SHC4: variants seen among roughly 807,000 people sequenced by gnomAD.
SHC4 encodes the protein SHC adaptor protein 4.
Under a neutral mutation model 69.4 loss-of-function variants are expected in SHC4, and 41 were observed. That is an observed-to-expected ratio of 0.59 (90% CI 0.46 to 0.77). SHC4 has a LOEUF of 0.77. SHC4 is among the 30% of genes least tolerant of loss of function. SHC4 has a pLI of 0.00. For missense variants in SHC4, 777 were observed against 783.8 expected (o/e 0.99, Z 0.10); for synonymous variants, 318 against 299.3 (o/e 1.06, Z -0.64).
At chr15:48,935,779 T>C (rs1354841203) in intron 1 of SHC4, among the ~76,000 whole-genome samples, 1 of 152,096 alleles carries the variant, frequency 6.6e-6, no homozygotes, top group Admixed American at 6.6e-5. Context: ...CTCAGTGAGA[T>C]GGACAGAGAG....
At chr15:48,831,057 A>C (rs1308385065) in intron 11 of SHC4, among the ~76,000 whole-genome samples, 2 of 152,158 alleles carry the variant, frequency 1.3e-5, no homozygotes, top group Non-Finnish European at 2.9e-5. Context: ...TAAAAGTAAA[A>C]AATAGAAATA....
intron 10 of SHC4, among the ~76,000 whole-genome samples, chr15:48,836,492 T>A (rs1026666307): frequency 6.6e-6 from 1 of 152,194 alleles, no homozygotes; most frequent in Non-Finnish European, 1.5e-5. Flanking sequence ...CTGAAACTTG[T>A]ATGTTTAATA....
intron 2 of SHC4, among the ~76,000 whole-genome samples, chr15:48,910,374 A>G (rs577649776): frequency 1.7e-4 from 26 of 152,034 alleles, no homozygotes; most frequent in Middle Eastern, 3.4e-3. Context: ...GCCTTGAATG[A>G]TCTTTTGTAT....
chr15:48,941,736 C>G (rs1901178660), intron 1 of SHC4, among the ~76,000 whole-genome samples: 1 of 152,078 alleles, frequency 6.6e-6, no homozygotes, highest in Admixed American at 6.5e-5. Context: ...GTCTGGATAC[C>G]TTTCTGGGAA....
At chr15:48,947,215 T>C (rs12905457) in intron 1 of SHC4, 33,023 of 152,148 alleles carry the variant, frequency 0.22, 4,529 homozygotes, top group Non-Finnish European at 0.31. Flanking sequence ...TGAAAACAGA[T>C]CAGCCTCTGG....
chr15:48,914,600 A>G (rs934740), intron 2 of SHC4, among the ~76,000 whole-genome samples: 110,070 of 152,086 alleles, frequency 0.72, 43,033 homozygotes, highest in South Asian at 0.86. Flanking sequence ...GCTGTATGAC[A>G]TGCTAGAAAC....
chr15:48,876,185 G>A (rs894932016), intron 4 of SHC4, among the ~76,000 whole-genome samples: 1 of 152,182 alleles, frequency 6.6e-6, no homozygotes, highest in Admixed American at 6.5e-5. Flanking sequence ...TGTCACTTCA[G>A]GGACGAACAA....
intron 1 of SHC4, among the ~76,000 whole-genome samples, chr15:48,954,757 C>T (rs1901416561): frequency 6.6e-6 from 1 of 152,164 alleles, no homozygotes; most frequent in Admixed American, 6.5e-5. Flanking sequence ...TTTAGTCTAT[C>T]CTGAGTTTTC....
chr15:48,849,088 T>C (rs890947715), intron 9 of SHC4, among the ~76,000 whole-genome samples: 1 of 152,172 alleles, frequency 6.6e-6, no homozygotes, highest in Non-Finnish European at 1.5e-5. Flanking sequence ...ACTGAACATT[T>C]TGAAGATCCT....
At chr15:48,937,951 A>C (rs538660914) in intron 1 of SHC4, among the ~76,000 whole-genome samples, 8 of 152,318 alleles carry the variant, frequency 5.3e-5, no homozygotes, top group African/African-American at 1.9e-4. Context: ...GTTGTTATTG[A>C]GATCTAAAAG....
intron 1 of SHC4, among the ~76,000 whole-genome samples, chr15:48,954,879 C>T (rs1040074931): frequency 6.6e-6 from 1 of 152,170 alleles, no homozygotes; most frequent in East Asian, 1.9e-4. Context: ...TTATTTTATC[C>T]TGTCCCTAAC....
At chr15:48,853,836 T>C (rs1234470561) in intron 8 of SHC4, among the ~76,000 whole-genome samples, 1 of 151,902 alleles carries the variant, frequency 6.6e-6, no homozygotes, top group Non-Finnish European at 1.5e-5. Flanking sequence ...ACAAGATAGA[T>C]TAAATATATA....
chr15:48,955,170 A>G (rs1404133330), intron 1 of SHC4, among the ~76,000 whole-genome samples: 2 of 152,162 alleles, frequency 1.3e-5, no homozygotes, highest in Non-Finnish European at 2.9e-5. Flanking sequence ...ATGTTTACCC[A>G]GGAAGAGGAC....
At chr15:48,908,391 G>A (rs1371991618) in intron 2 of SHC4, among the ~76,000 whole-genome samples, 4 of 151,982 alleles carry the variant, frequency 2.6e-5, no homozygotes, top group African/African-American at 9.7e-5. Flanking sequence ...CTTTTTGATG[G>A]GATTGTTTGT....
rs559336014 is a variant in SHC4, at chr15:48,935,282, G to T, written c.586-10333C>A. Among the ~76,000 whole-genome samples the T allele has an allele frequency of 6.6e-5, 10 of 152,248 alleles. No individual in the cohort carries two copies. In the South Asian group the frequency reaches 2.1e-3, roughly 32 times the overall value. On this transcript the variant is annotated intron_variant, in intron 1 of 11. Coordinates refer to ENST00000332408, the MANE Select transcript of SHC4 (RefSeq NM_203349.4). ...CTGTAGCCTTGAGGTGGAGTTCATT[G>T]CTCTTCCTTTGGGATCCCAGAACAC...
chr15:48,923,230 G>A (rs1367602012), intron 2 of SHC4, among the ~76,000 whole-genome samples: 1 of 152,150 alleles, frequency 6.6e-6, no homozygotes, highest in Non-Finnish European at 1.5e-5. Context: ...TACGAGAAAA[G>A]GATCCAAGGC....
chr15:48,922,264 G>A (rs961361802), intron 2 of SHC4, among the ~76,000 whole-genome samples: 2 of 152,004 alleles, frequency 1.3e-5, no homozygotes, highest in African/African-American at 4.8e-5. Flanking sequence ...AACAGTTTCA[G>A]GAACTTTATG....
At position 48,916,768 on chromosome 15, in the gene SHC4, C is replaced by T. The variant is rs533459844; in HGVS notation, c.656+8111G>A. On this transcript the variant is annotated intron_variant, in intron 2 of 11. Coordinates refer to ENST00000332408, the MANE Select transcript of SHC4 (RefSeq NM_203349.4). ...CAATCACACAAAGGAGGAAAACCCA[C>T]TCCAAGCCACTGCTTCTTAGTTGCC... Among the ~76,000 whole-genome samples, 47 of 152,340 alleles carry T rather than the reference C, an allele frequency of 3.1e-4. 1 individual carries two copies. The South Asian group carries it at 9.3e-3, about 30-fold the overall frequency.
chr15:48,933,757 T>C (rs1901015882), intron 1 of SHC4, among the ~76,000 whole-genome samples: 1 of 152,152 alleles, frequency 6.6e-6, no homozygotes, highest in Non-Finnish European at 1.5e-5. Context: ...GATAGACATA[T>C]AGATTAGTAG....
Sources: gnomAD v4.1 joint callset for allele counts (sites outside exome capture counted in the v4.1 genomes callset) on GRCh38, gnomAD v4.1.1 for gene constraint, MANE v1.5 for transcripts, NCBI Gene and HGNC (gene_info 2026-07-23, HGNC 2026-07-21) for gene names.